Variants in VPS13B observed in about 807,000 individuals in gnomAD.
VPS13B encodes intermembrane lipid transfer protein VPS13B.
Under a neutral mutation model 426.4 loss-of-function variants are expected in VPS13B, and 285 were observed. The observed-to-expected ratio is 0.67, with a 90% CI of 0.61 to 0.74. VPS13B has a LOEUF of 0.74. Ranked by LOEUF, VPS13B falls within the 30% of genes least tolerant of loss-of-function variation. VPS13B has a pLI of 0.00. For synonymous variants in VPS13B, 1,676 were observed against 1,676.4 expected, an observed-to-expected ratio of 1.00 and a Z score of 0.01; for missense variants, 4,537 against 4,782.6, an observed-to-expected ratio of 0.95 and a Z score of 1.51.
chr8:99,620,247 A>G (rs1828291560), intron 33 of VPS13B, among the ~76,000 whole-genome samples: 1 of 152,218 alleles, frequency 6.6e-6, no homozygotes, highest in Non-Finnish European at 1.5e-5. Flanking sequence ...CTAGAAACCA[A>G]AATTCTTCTT....
chr8:99,287,218 GTATCTATCTGTCTGTCTATCTATCTATC>G (rs1268023927), intron 19 of VPS13B, among the ~76,000 whole-genome samples: 8 of 141,454 alleles, frequency 5.7e-5, no homozygotes, highest in African/African-American at 2.1e-4. Context: ...ATGTGTGTGT[GTATCTATCTGTCTGTCTATCTATCTATC>G]TATCTATCTA....
At chr8:99,711,819 T>A (rs979967960) in intron 36 of VPS13B, among the ~76,000 whole-genome samples, 4 of 152,220 alleles carry the variant, frequency 2.6e-5, no homozygotes, top group African/African-American at 9.7e-5. Flanking sequence ...TTACTTTATC[T>A]TCATATACCC....
intron 14 of VPS13B, among the ~76,000 whole-genome samples, chr8:99,152,380 C>A (rs1418171701): frequency 6.6e-6 from 1 of 152,014 alleles, no homozygotes; most frequent in East Asian, 1.9e-4. Flanking sequence ...TGTATGATTT[C>A]TTTTAAATTT....
At chr8:99,380,462 C>T (rs1284975723) in intron 19 of VPS13B, among the ~76,000 whole-genome samples, 2 of 152,020 alleles carry the variant, frequency 1.3e-5, no homozygotes, top group African/African-American at 2.4e-5. Context: ...CTGACATCTG[C>T]TTGAGTGAAT....
chr8:99,398,813 TA>T lies in VPS13B; in HGVS notation c.3082+7110del, dbSNP rs1482510378. 7.4e-5 allele frequency among the ~76,000 whole-genome samples: 10 copies of T among 134,638 alleles called. No homozygotes were observed. In the South Asian group the frequency reaches 8.6e-4, roughly 12 times the overall value. The allele number at this position is 134,638 out of a possible 152,430, so 88.3% of individuals were successfully genotyped here. On this transcript the variant is annotated intron_variant, in intron 21 of 61. Transcript: ENST00000357162. ...CAAACAAGTATTTAGGTGGGACAAGTATTTTTTTTTTTTTTGCACTGTTTTA... is the reference window on the plus strand; with the variant it reads ...CAAACAAGTATTTAGGTGGGACAAGTTTTTTTTTTTTTTTGCACTGTTTTA...
chr8:99,191,625 G>A (rs1392710240), intron 16 of VPS13B, among the ~76,000 whole-genome samples: 4 of 151,610 alleles, frequency 2.6e-5, no homozygotes, highest in African/African-American at 7.3e-5. Flanking sequence ...CTTGTGATCC[G>A]CCCGCCTCGG....
chr8:99,055,783 G>A (rs915938460), intron 3 of VPS13B, among the ~76,000 whole-genome samples: 4 of 152,030 alleles, frequency 2.6e-5, no homozygotes, highest in African/African-American at 4.8e-5. Context: ...AAGCTGCAGT[G>A]CAGTGATGTG....
At position 99,868,399 on chromosome 8, in the gene VPS13B, G is replaced by A; in HGVS notation, c.11326G>A (p.Gly3776Arg). The change falls in exon 59 of 62, where the codon GGA becomes AGA. Residue 3776 changes from glycine (G) to arginine (R), a missense_variant. Around this residue, in one of 2 missense-constraint regions of VPS13B, gnomAD observed 4,311 missense variants for 4,474.3 expected, o/e 0.96. Transcript: ENST00000357162. ...GGGTGTCATCTCGGGTGTGGGGAAAGGAATCATGGGGGTGTTCACAAAGCC... is the reference window on the plus strand; with the variant it reads ...GGGTGTCATCTCGGGTGTGGGGAAAAGAATCATGGGGGTGTTCACAAAGCC... ...AKGVISGVGKGIMGVFTKPIG... is the reference protein window; with the variant it reads ...AKGVISGVGKRIMGVFTKPIG... 1 of 1,614,186 alleles carries A rather than the reference G, an allele frequency of 6.2e-7. No homozygotes were observed. Among genetic ancestry groups the A allele is most frequent in the Non-Finnish European group, 8.5e-7 (1 of 1,180,044 alleles).
intron 23 of VPS13B, among the ~76,000 whole-genome samples, chr8:99,443,392 T>C (rs1372522463): frequency 6.6e-6 from 1 of 152,158 alleles, no homozygotes; most frequent in African/African-American, 2.4e-5. Context: ...CTGTGTAATT[T>C]TTGATCTCTA....
intron 19 of VPS13B, among the ~76,000 whole-genome samples, chr8:99,333,030 T>C (rs1392732670): frequency 6.6e-6 from 1 of 151,766 alleles, no homozygotes; most frequent in African/African-American, 2.4e-5. Context: ...TCTTCAGACA[T>C]GTAAGTATCA....
chr8:99,779,563 TA>T lies in VPS13B; in HGVS notation c.7779+535del, dbSNP rs558938642. 4.6e-5 allele frequency among the ~76,000 whole-genome samples: 7 copies of T among 152,312 alleles called. No homozygotes were observed. In the South Asian group the frequency reaches 1.4e-3, roughly 32 times the overall value. ...TAAAAAGTACTAGATAATGGATTTT[TA>T]AATCAATTAGAGAGCCTTGATTATT... On this transcript the variant is annotated intron_variant, in intron 42 of 61. Transcript: ENST00000357162.
chr8:99,250,259 T>A (rs867839982), intron 17 of VPS13B, among the ~76,000 whole-genome samples: 1 of 152,224 alleles, frequency 6.6e-6, no homozygotes, highest in Non-Finnish European at 1.5e-5. Flanking sequence ...CTCTTTATAC[T>A]ATTCTAGATA....
chr8:99,236,491 C>T (rs1441078658), intron 17 of VPS13B, among the ~76,000 whole-genome samples: 2 of 152,206 alleles, frequency 1.3e-5, no homozygotes, highest in African/African-American at 4.8e-5. Context: ...CTCAAGTGAT[C>T]CACCTCCTTT....
At chr8:99,343,108 T>G (rs987076388) in intron 19 of VPS13B, among the ~76,000 whole-genome samples, 60 of 152,038 alleles carry the variant, frequency 3.9e-4, no homozygotes, top group Middle Eastern at 6.8e-3. Flanking sequence ...TTTTTTTTTT[T>G]TTTGAGACGG....
intron 19 of VPS13B, among the ~76,000 whole-genome samples, chr8:99,382,009 G>A: frequency 6.6e-6 from 1 of 152,054 alleles, no homozygotes; most frequent in Non-Finnish European, 1.5e-5. Flanking sequence ...TTTGTATATG[G>A]TCTAAGGAAG....
At chr8:99,396,694 T>C (rs1382436279) in intron 21 of VPS13B, among the ~76,000 whole-genome samples, 1 of 152,194 alleles carries the variant, frequency 6.6e-6, no homozygotes, top group Non-Finnish European at 1.5e-5. Flanking sequence ...GTGAAAGATT[T>C]TGCATCAGAG....
chr8:99,391,125 A>C (rs1214962764), intron 20 of VPS13B, among the ~76,000 whole-genome samples: 1 of 152,148 alleles, frequency 6.6e-6, no homozygotes, highest in Non-Finnish European at 1.5e-5. Context: ...TTTTTTTTAT[A>C]AGGATCCATT....
chr8:99,055,808 C>A (rs1478029614), intron 3 of VPS13B, among the ~76,000 whole-genome samples: 4 of 151,952 alleles, frequency 2.6e-5, no homozygotes, highest in Non-Finnish European at 5.9e-5. Flanking sequence ...TGGCTCACTG[C>A]AGCCTTGACC....
chr8:99,654,557 G>T (rs189149973), intron 34 of VPS13B, among the ~76,000 whole-genome samples: 32 of 152,264 alleles, frequency 2.1e-4, no homozygotes, highest in African/African-American at 6.0e-4. Context: ...CAGTAAGCTT[G>T]TAGCTTGCCT....
Sources: gnomAD v4.1 joint callset for allele counts (sites outside exome capture counted in the v4.1 genomes callset) on GRCh38, gnomAD v4.1.1 for gene constraint, gnomAD v4.1.1 regional missense constraint, MANE v1.5 for transcripts, NCBI Gene and HGNC (gene_info 2026-07-23, HGNC 2026-07-21) for gene names.